Variants in NECTIN4 observed in about 807,000 individuals in gnomAD.
NECTIN4 encodes the protein nectin-4.
Under a neutral mutation model 51.7 loss-of-function variants are expected in NECTIN4, and 19 were observed. The ratio of observed to expected loss-of-function variants is 0.37; its 90% CI spans 0.26 to 0.54. The LOEUF (loss-of-function observed/expected upper bound fraction) is 0.54. NECTIN4 is among the 20% of genes least tolerant of loss of function. The pLI, the probability that NECTIN4 is intolerant of heterozygous loss-of-function variation, is 0.86. For missense variants in NECTIN4, 619 were observed against 662.4 expected (o/e 0.93, Z 0.72); for synonymous variants, 283 against 286.9 (o/e 0.99, Z 0.14).
intron 1 of NECTIN4, among the ~76,000 whole-genome samples, chr1:161,083,292 A>G (rs1653781888): frequency 6.6e-6 from 1 of 152,184 alleles, no homozygotes; most frequent in South Asian, 2.1e-4. Flanking sequence ...AGGGTACAAG[A>G]GAAGAGAAAA....
intron 1 of NECTIN4, among the ~76,000 whole-genome samples, chr1:161,080,974 A>T (rs971767167): frequency 4.6e-5 from 7 of 152,172 alleles, no homozygotes; most frequent in Non-Finnish European, 1.0e-4. Flanking sequence ...GGCAATCACT[A>T]TGGGACTGAA....
intron 1 of NECTIN4, among the ~76,000 whole-genome samples, chr1:161,082,830 A>C (rs768523044): frequency 6.6e-6 from 1 of 152,116 alleles, no homozygotes; most frequent in South Asian, 2.1e-4. Context: ...CTCCAGCACA[A>C]CATATCCTCT....
Position 161,077,555 on chromosome 1 carries a change from A to G in NECTIN4, c.628T>C (p.Leu210=). The change falls in exon 3 of 9, where the codon TTG becomes CTG. Residue 210 remains leucine (L), a synonymous_variant. Coordinates refer to ENST00000368012, the MANE Select transcript of NECTIN4 (RefSeq NM_030916.3). ...RSAAVTSEFH[L]VPSRSMNGQP... Reference sequence around the variant, plus strand: ...CCATTCATGCTGCGGCTAGGCACCAAGTGGAACTCTGAGGTGACGGCAGCA... The same window carrying G: ...CCATTCATGCTGCGGCTAGGCACCAGGTGGAACTCTGAGGTGACGGCAGCA... 2 of 1,614,084 alleles carry G rather than the reference A, an allele frequency of 1.2e-6. No individual in the cohort carries two copies. The highest frequency in any genetic ancestry group is 8.5e-7 in the Non-Finnish European group (1 of 1,180,046).
intron 1 of NECTIN4, chr1:161,085,159 C>G (rs1010463173): frequency 1.3e-5 from 2 of 152,134 alleles, no homozygotes; most frequent in Admixed American, 6.6e-5. Flanking sequence ...CACTTACCCC[C>G]CATTGTACTA....
Position 161,079,936 on chromosome 1 carries a change from C to G in NECTIN4, c.93G>C (p.Ala31=), listed in dbSNP as rs754040614. ...CCACGTCTGAGGTCTCCAGCTCACC[C>G]GCGGGGCACCGGCCTGCAGGGGGCA... ...LLASFTGRCP[A]GELETSDVVT... The change falls in exon 2 of 9, where the codon GCG becomes GCC. Residue 31 remains alanine, a synonymous_variant. Transcript: ENST00000368012. 26 of 1,602,984 alleles carry G rather than the reference C, an allele frequency of 1.6e-5. No individual in the cohort carries two copies. The highest frequency in any genetic ancestry group is 2.2e-5 in the Non-Finnish European group (26 of 1,172,306).
rs546245236 is a variant in NECTIN4 at position 161,074,155 on chromosome 1, CCTG to C, written c.1157+59_1157+61del. On this transcript the variant is annotated intron_variant, in intron 6 of 8. Coordinates refer to ENST00000368012, the MANE Select transcript of NECTIN4 (RefSeq NM_030916.3). ...CAGTCTCCTCGGTCCTGGCCCACCT[CCTG>C]CTATCCTCTTCTTTGTTCTCAGCTT... 3 of 1,606,064 alleles carry C rather than the reference CCTG, an allele frequency of 1.9e-6. No individual in the cohort carries two copies. In the South Asian group the frequency reaches 3.3e-5, roughly 18 times the overall value.
chr1:161,071,461 A>T lies in NECTIN4; in HGVS notation c.*1200T>A, dbSNP rs974619896. On this transcript the variant is annotated 3_prime_UTR_variant, in exon 9 of 9. Transcript: ENST00000368012. ...GTCACCAGGTCCAAGCAATTCCCTA[A>T]GGTATCACAAACAATGGTGGATGCA... The T allele has an allele frequency of 6.6e-6, 1 of 152,240 alleles. No individual in the cohort carries two copies. Among genetic ancestry groups the T allele is most frequent in the African/African-American group, 2.4e-5 (1 of 41,430 alleles). 9.4% of individuals were successfully genotyped at this position (152,240 alleles called of 1,614,324 possible).
At chr1:161,075,455 T>C (rs995847535) in intron 4 of NECTIN4, among the ~76,000 whole-genome samples, 2 of 152,218 alleles carry the variant, frequency 1.3e-5, no homozygotes, top group African/African-American at 4.8e-5. Flanking sequence ...TATCGAAATA[T>C]TGTGTTATAT....
rs767861631 is a variant in NECTIN4, at chr1:161,079,671, C to G, written c.358G>C (p.Ala120Pro). The stretch of plus-strand genomic sequence containing the variant: ...CGGCACTCGTACTCGCCCTCATCCG[C>G]CTGCACTGCGTTGCGCAGGAGCACT... ...GSVLLRNAVQ[A>P]DEGEYECRVS... The change falls in exon 2 of 9, where the codon GCG (alanine) becomes CCG (proline). Residue 120 changes from alanine to proline, a missense_variant. Around this residue, in one of 3 missense-constraint regions of NECTIN4, gnomAD observed 218 missense variants for 186.3 expected, o/e 1.17. Transcript: ENST00000368012. 1.2e-6 allele frequency: 2 copies of G among 1,607,056 alleles called. No homozygotes were observed. The highest frequency in any genetic ancestry group is 1.7e-6 in the Non-Finnish European group (2 of 1,179,640).
chr1:161,085,930 C>T (rs568155848), intron 1 of NECTIN4, among the ~76,000 whole-genome samples: 13 of 152,322 alleles, frequency 8.5e-5, no homozygotes, highest in Non-Finnish European at 1.8e-4. Flanking sequence ...AGGGATTCAC[C>T]TGCCTTGGCC....
intron 3 of NECTIN4, 137 bp downstream of exon 3, chr1:161,077,316 A>T: frequency 1.1e-6 from 1 of 885,326 alleles, no homozygotes. Flanking sequence ...CCACATTTGG[A>T]CTAGTGCTCT....
At chr1:161,081,886 A>T (rs1369447869) in intron 1 of NECTIN4, among the ~76,000 whole-genome samples, 1 of 135,344 alleles carries the variant, frequency 7.4e-6, no homozygotes, top group Non-Finnish European at 1.5e-5. Context: ...ACAGCACTTT[A>T]TCCCTATTTT....
At chr1:161,075,536 C>T (rs1263564709) in intron 4 of NECTIN4, among the ~76,000 whole-genome samples, 1 of 152,046 alleles carries the variant, frequency 6.6e-6, no homozygotes, top group Non-Finnish European at 1.5e-5. Context: ...TTTGGGAGGC[C>T]GAGGCTGGCG....
chr1:161,073,653 G>A, intron 7 of NECTIN4, 67 bp downstream of exon 7: 1 of 1,336,488 alleles, frequency 7.5e-7, no homozygotes, highest in Non-Finnish European at 1.1e-6. Context: ...CTGCAGAGGG[G>A]CCCAGGCACA....
intron 7 of NECTIN4, 110 bp from the exon 8 acceptor site, chr1:161,073,409 C>A: frequency 1.1e-6 from 1 of 881,712 alleles, no homozygotes; most frequent in Non-Finnish European, 1.8e-6. Context: ...TCCCCCAACC[C>A]AACAGGTCCA....
intron 7 of NECTIN4, 142 bp downstream of exon 7, chr1:161,073,578 A>G (rs1275031845): frequency 1.3e-5 from 11 of 858,192 alleles, no homozygotes; most frequent in African/African-American, 3.3e-5. Context: ...CACCCTCTCA[A>G]CTCTACCCCG....
intron 2 of NECTIN4, 31 bp downstream of exon 2, chr1:161,079,559 G>A: frequency 6.2e-7 from 1 of 1,600,646 alleles, no homozygotes. Flanking sequence ...ATCCACAGCG[G>A]CTCAGACCGT....
At chr1:161,082,508 G>A (rs931169615) in intron 1 of NECTIN4, among the ~76,000 whole-genome samples, 1 of 152,130 alleles carries the variant, frequency 6.6e-6, no homozygotes, top group Non-Finnish European at 1.5e-5. Flanking sequence ...GGCATGGAGG[G>A]AGGAAATGAA....
Position 161,089,004 on chromosome 1 carries a change from T to C in NECTIN4, c.79+214A>G, listed in dbSNP as rs980917289. Reference sequence around the variant, plus strand: ...GGATCCCAGACATAGTGACCTGGCCTGGGGGCTGGGAGGAAACAAGAAGGG... The same window carrying C: ...GGATCCCAGACATAGTGACCTGGCCCGGGGGCTGGGAGGAAACAAGAAGGG... On this transcript the variant is annotated intron_variant, in intron 1 of 8. Transcript: ENST00000368012. This position sits in a 1 kb window ranked among gnomAD's most constrained non-coding sequence, Gnocchi z 4.1. Among the ~76,000 whole-genome samples the C allele has an allele frequency of 6.7e-5, 10 of 149,856 alleles. No homozygotes were observed. The highest frequency in any genetic ancestry group is 5.3e-4 in the Admixed American group (8 of 15,104).
Sources: gnomAD v4.1 joint callset for allele counts (sites outside exome capture counted in the v4.1 genomes callset) on GRCh38, gnomAD v4.1.1 for gene constraint, gnomAD v4.1.1 regional missense constraint, Gnocchi (gnomAD v3.1) non-coding constraint, MANE v1.5 for transcripts, NCBI Gene and HGNC (gene_info 2026-07-23, HGNC 2026-07-21) for gene names.